The following SPINT1 variants were observed in gnomAD, a reference collection of about 807,000 sequenced individuals.
SPINT1 encodes the protein serine peptidase inhibitor, Kunitz type 1, also known as kunitz-type protease inhibitor 1.
A neutral mutation model predicts 53.7 loss-of-function variants in SPINT1; 38 were observed. The ratio of observed to expected loss-of-function variants is 0.71; its 90% CI spans 0.55 to 0.93. SPINT1 has a LOEUF of 0.93. SPINT1 is among the 40% of genes least tolerant of loss of function. SPINT1 has a pLI of 0.00. For synonymous variants in SPINT1, 283 were observed against 280.6 expected (o/e 1.01, Z -0.08); for missense variants, 645 against 692.9 (o/e 0.93, Z 0.78).
At chr15:40,845,302 C>T (rs977033567) in intron 2 of SPINT1, among the ~76,000 whole-genome samples, 1 of 146,776 alleles carries the variant, frequency 6.8e-6, no homozygotes. Context: ...CAGGCACCCG[C>T]TACCAGACCC....
At position 40,854,707 on chromosome 15, in the gene SPINT1, T is replaced by G; in HGVS notation, c.1117+18T>G. ...TGACAAAGGTGAGATCCTCCCCAGG[T>G]GCCCTGGATCAGGGCAGACGCTGAC... On this transcript the variant is annotated intron_variant, in intron 8 of 10. Transcript: ENST00000562057. The G allele has an allele frequency of 1.9e-6, 3 of 1,613,960 alleles. No homozygotes were observed. The highest frequency in any genetic ancestry group is 2.5e-6 in the Non-Finnish European group (3 of 1,180,006).
In SPINT1 at chr15:40,844,460, C is replaced by A; in HGVS notation, c.-65-30C>A. 3 of 1,275,486 alleles carry A rather than the reference C, an allele frequency of 2.4e-6. No individual in the cohort carries two copies. Among genetic ancestry groups the A allele is most frequent in the South Asian group, 1.2e-5 (1 of 83,606 alleles). 79.0% of individuals were successfully genotyped at this position (1,275,486 alleles called of 1,614,324 possible). On this transcript the variant is annotated intron_variant, in intron 1 of 10. Coordinates refer to ENST00000562057, the MANE Select transcript of SPINT1 (RefSeq NM_003710.4). This position sits in a 1 kb window ranked among gnomAD's most constrained non-coding sequence, Gnocchi z 5.8. ...AGTCTCCCGGGCTGATCAGGTGTGT[C>A]TCCTCCTCTGTCCCCTCCCTTCTTC...
chr15:40,846,557 T>C (rs1378507697), intron 2 of SPINT1, among the ~76,000 whole-genome samples: 6 of 152,200 alleles, frequency 3.9e-5, no homozygotes, highest in Non-Finnish European at 8.8e-5. Flanking sequence ...AAAAGTCCTG[T>C]GCTGTTTTTC....
Position 40,853,469 on chromosome 15 carries a change from A to G in SPINT1, c.604-20A>G. On this transcript the variant is annotated intron_variant, in intron 3 of 10. Transcript: ENST00000562057. ...GGGCATCAGGGGGTGCCCAAGCCTG[A>G]TAGCCACTCCTGTGTGCAGAGGAAA... The G allele has an allele frequency of 6.2e-7, 1 of 1,614,056 alleles. No individual in the cohort carries two copies. Among genetic ancestry groups the G allele is most frequent in the South Asian group, 1.1e-5 (1 of 91,090 alleles).
chr15:40,850,078 C>CT (rs138258462), intron 2 of SPINT1, among the ~76,000 whole-genome samples: 2,201 of 152,136 alleles, frequency 0.014, 32 homozygotes, highest in Non-Finnish European at 0.024. Context: ...TTTTTCTTTT[C>CT]TTTCTTTTTT....
At chr15:40,850,135 C>T (rs1359685948) in intron 2 of SPINT1, among the ~76,000 whole-genome samples, 5 of 152,164 alleles carry the variant, frequency 3.3e-5, no homozygotes, top group East Asian at 3.8e-4. Context: ...TGCAATGGCG[C>T]GATCTCCGGC....
chr15:40,849,238 T>A (rs1891387237), intron 2 of SPINT1, among the ~76,000 whole-genome samples: 1 of 148,774 alleles, frequency 6.7e-6, no homozygotes, highest in Admixed American at 6.8e-5. Context: ...AGAGCAACAC[T>A]CCGTCTCAGG....
In SPINT1 at chr15:40,853,855, G is replaced by GCA; in HGVS notation, c.888_889dup (p.Ile297ThrfsTer3). The GCA allele has an allele frequency of 6.2e-7, 1 of 1,614,226 alleles. No individual in the cohort carries two copies. Among genetic ancestry groups the GCA allele is most frequent in the Non-Finnish European group, 8.5e-7 (1 of 1,180,034 alleles). On this transcript the variant is annotated frameshift_variant, in exon 5 of 11. Transcript: ENST00000562057. LOFTEE classifies it high-confidence loss of function. ...AACAACTACCTTCGGGAAGAAGAGT[G>GCA]CATTCTAGCCTGTCGGGGTGTGCAA... is the stretch of plus-strand genomic sequence containing the variant.
chr15:40,844,126 C>A lies in SPINT1; in HGVS notation c.-126C>A, dbSNP rs1261314137. Reference sequence around the variant, plus strand: ...CCGGGTCGGAAGCCGCGACCCGAGCCGCGCAGGAAGCTGGGACCGGAACCT... The same window carrying A: ...CCGGGTCGGAAGCCGCGACCCGAGCAGCGCAGGAAGCTGGGACCGGAACCT... On this transcript the variant is annotated 5_prime_UTR_variant, in exon 1 of 11. Coordinates refer to ENST00000562057, the MANE Select transcript of SPINT1 (RefSeq NM_003710.4). The surrounding 1 kb of genome is among the most constrained non-coding windows in gnomAD (Gnocchi z 5.8). 4.6e-6 allele frequency: 2 copies of A among 438,122 alleles called. No individual in the cohort carries two copies. The highest frequency in any genetic ancestry group is 9.0e-6 in the Non-Finnish European group (2 of 222,180). 27.1% of individuals were successfully genotyped at this position (438,122 alleles called of 1,614,324 possible). A position where few individuals can be genotyped will look rare whatever the true frequency, so the allele number is the denominator to read the frequency against.
At chr15:40,856,242 G>A (rs754949576) in intron 9 of SPINT1, 34 bp from the exon 10 acceptor site, 2 of 1,613,948 alleles carry the variant, frequency 1.2e-6, no homozygotes, top group South Asian at 2.2e-5. Flanking sequence ...TGAGCCCTCA[G>A]TACTGACTGG....
At chr15:40,849,452 G>A (rs372434804) in intron 2 of SPINT1, among the ~76,000 whole-genome samples, 19 of 152,256 alleles carry the variant, frequency 1.2e-4, no homozygotes, top group African/African-American at 4.3e-4. Context: ...ATGTTGCCCA[G>A]GCTAGTCTCA....
intron 2 of SPINT1, 126 bp from the exon 3 acceptor site, chr15:40,852,998 A>T: frequency 8.0e-7 from 1 of 1,247,946 alleles, no homozygotes; most frequent in Non-Finnish European, 1.1e-6. Flanking sequence ...CCCGCACCCC[A>T]TGCAGGCTGT....
chr15:40,856,726 A>G (rs746008701), intron 10 of SPINT1, 44 bp from the exon 11 acceptor site: 1 of 1,610,882 alleles, frequency 6.2e-7, no homozygotes, highest in Non-Finnish European at 8.5e-7. Context: ...TGTCAGAACC[A>G]GGCAGGCCCT....
intron 2 of SPINT1, among the ~76,000 whole-genome samples, chr15:40,849,102 C>T (rs1043226755): frequency 1.2e-4 from 18 of 151,866 alleles, no homozygotes; most frequent in African/African-American, 2.9e-4. Flanking sequence ...AAAAATTAGC[C>T]GGGTGTGGTG....
chr15:40,846,272 C>T (rs549619404), intron 2 of SPINT1, among the ~76,000 whole-genome samples: 4 of 152,288 alleles, frequency 2.6e-5, no homozygotes, highest in African/African-American at 9.6e-5. Context: ...CCTTGGTTCC[C>T]CCTTTCTCTC....
At chr15:40,853,040 A>C in intron 2 of SPINT1, 84 bp from the exon 3 acceptor site, 1 of 1,543,478 alleles carries the variant, frequency 6.5e-7, no homozygotes, top group Non-Finnish European at 8.7e-7. Context: ...TGGGGCCCAT[A>C]CTTTCACCAC....
rs748810028 is a variant in SPINT1 at position 40,854,522 on chromosome 15, TG to T, written c.1066+1del. 8 of 1,613,070 alleles carry T rather than the reference TG, an allele frequency of 5.0e-6. No homozygotes were observed. The African/African-American group carries it at 1.1e-4, about 22-fold the overall frequency. Reference sequence around the variant, plus strand: ...CTCCGACGAGGCTGCCTGTGAAAAATGTGAGGCCTGGGGGATAGAGGGGGTT... The same window carrying T: ...CTCCGACGAGGCTGCCTGTGAAAAATTGAGGCCTGGGGGATAGAGGGGGTT... On this transcript the variant is annotated splice_donor_variant, in intron 7 of 10. Coordinates refer to ENST00000562057, the MANE Select transcript of SPINT1 (RefSeq NM_003710.4). LOFTEE classifies it high-confidence loss of function.
In SPINT1 at chr15:40,844,383, G is replaced by C. The variant is rs949913573; in HGVS notation, c.-65-107G>C. The C allele has an allele frequency of 1.5e-5, 11 of 749,196 alleles. No homozygotes were observed. Among genetic ancestry groups the C allele is most frequent in the Non-Finnish European group, 2.3e-5 (10 of 433,418 alleles). The allele number at this position is 749,196 out of a possible 1,614,324, so 46.4% of individuals were successfully genotyped here. On this transcript the variant is annotated intron_variant, in intron 1 of 10. Transcript: ENST00000562057. The surrounding 1 kb of genome is among the most constrained non-coding windows in gnomAD (Gnocchi z 5.8). ...CGTGCGCCCTCTTCGATCCTGGGGT[G>C]CTCCGGTCCCTCCTCCCCGCCACTT...
chr15:40,849,982 A>G (rs1228908903), intron 2 of SPINT1, among the ~76,000 whole-genome samples: 1 of 152,266 alleles, frequency 6.6e-6, no homozygotes, highest in African/African-American at 2.4e-5. Flanking sequence ...ATGTGTGGGC[A>G]AGGCTGTGTT....
Sources: gnomAD v4.1 joint callset for allele counts (sites outside exome capture counted in the v4.1 genomes callset) on GRCh38, gnomAD v4.1.1 for gene constraint, Gnocchi (gnomAD v3.1) non-coding constraint, MANE v1.5 for transcripts, NCBI Gene and HGNC (gene_info 2026-07-23, HGNC 2026-07-21) for gene names.